The following AMBRA1 variants were observed in gnomAD, a reference collection of about 807,000 sequenced individuals.
AMBRA1 encodes activating molecule in BECN1-regulated autophagy protein 1.
Under a neutral mutation model 125.4 loss-of-function variants are expected in AMBRA1, and 47 were observed. The observed-to-expected ratio is 0.37, with a 90% CI of 0.30 to 0.48. The LOEUF is 0.48. Ranked by LOEUF, AMBRA1 falls within the 20% of genes least tolerant of loss-of-function variation. The probability of loss-of-function intolerance (pLI) is 0.99; values close to 1 mark genes in which losing one functional copy is unlikely to be tolerated. For missense variants in AMBRA1, 1,331 were observed against 1,693.4 expected (o/e 0.79, Z 3.76); for synonymous variants, 626 against 655.5 (o/e 0.95, Z 0.69).
chr11:46,435,520 T>C (rs1023530521), intron 12 of AMBRA1, among the ~76,000 whole-genome samples: 2 of 152,234 alleles, frequency 1.3e-5, no homozygotes. Flanking sequence ...ATTTCATAAA[T>C]TTGTATCTTA....
chr11:46,437,744 C>A lies in AMBRA1; in HGVS notation c.2633-2707G>T, dbSNP rs533002829. ...ATCTCAATTACTTGTTTATTTAGGC[C>A]ACAGGAAAGTAATGTACTAATGACA... On this transcript the variant is annotated intron_variant, in intron 12 of 17. Transcript: ENST00000683756. Among the ~76,000 whole-genome samples the A allele has an allele frequency of 2.2e-4, 34 of 152,092 alleles. No homozygotes were observed. The East Asian group carries it at 6.2e-3, about 28-fold the overall frequency.
At chr11:46,563,506 T>G (rs1321904493) in intron 1 of AMBRA1, among the ~76,000 whole-genome samples, 4 of 152,162 alleles carry the variant, frequency 2.6e-5, no homozygotes, top group Non-Finnish European at 1.5e-5. Flanking sequence ...ATTACAGGCA[T>G]GAGCCACACG....
intron 11 of AMBRA1, among the ~76,000 whole-genome samples, chr11:46,476,230 C>CAATTT (rs751097210): frequency 6.6e-5 from 10 of 152,178 alleles, no homozygotes; most frequent in Non-Finnish European, 1.0e-4. Context: ...ATCCCATGGC[C>CAATTT]AATTTCTCTG....
intron 7 of AMBRA1, among the ~76,000 whole-genome samples, chr11:46,528,378 C>T (rs543584935): frequency 6.6e-6 from 1 of 152,272 alleles, no homozygotes; most frequent in East Asian, 1.9e-4. Context: ...ACCATGTTGG[C>T]CAGGCTGGTC....
intron 1 of AMBRA1, among the ~76,000 whole-genome samples, chr11:46,563,052 C>T (rs2043391278): frequency 6.6e-6 from 1 of 151,288 alleles, no homozygotes; most frequent in Admixed American, 6.6e-5. Context: ...CCTGCCTTGC[C>T]ATCCCAATGT....
At chr11:46,426,508 A>G (rs1306345898) in intron 14 of AMBRA1, among the ~76,000 whole-genome samples, 2 of 152,206 alleles carry the variant, frequency 1.3e-5, no homozygotes, top group Non-Finnish European at 2.9e-5. Context: ...GAGGCCACAG[A>G]GGAAAGACAC....
At chr11:46,488,749 C>T (rs937300694) in intron 11 of AMBRA1, among the ~76,000 whole-genome samples, 1 of 152,110 alleles carries the variant, frequency 6.6e-6, no homozygotes, top group African/African-American at 2.4e-5. Context: ...TAAAATCACA[C>T]AAAGTATGTT....
At chr11:46,419,631 G>T (rs1946746822) in intron 14 of AMBRA1, among the ~76,000 whole-genome samples, 1 of 152,012 alleles carries the variant, frequency 6.6e-6, no homozygotes, top group African/African-American at 2.4e-5. Flanking sequence ...TGCTTCCCCA[G>T]TTTTTAATTT....
intron 13 of AMBRA1, among the ~76,000 whole-genome samples, chr11:46,434,481 T>C (rs2136712449): frequency 6.6e-6 from 1 of 151,870 alleles, no homozygotes; most frequent in East Asian, 1.9e-4. Context: ...AACACCCTTG[T>C]ATGTAAATCT....
At chr11:46,461,328 C>T (rs12577441) in intron 11 of AMBRA1, among the ~76,000 whole-genome samples, 1 of 152,232 alleles carries the variant, frequency 6.6e-6, no homozygotes, top group East Asian at 1.9e-4. Context: ...ATGTCAATAA[C>T]TATTAAATTT....
At chr11:46,482,204 A>G (rs1269886887) in intron 11 of AMBRA1, among the ~76,000 whole-genome samples, 2 of 152,150 alleles carry the variant, frequency 1.3e-5, no homozygotes, top group Non-Finnish European at 2.9e-5. Flanking sequence ...AGCTTGAGTT[A>G]CTAAATTCTG....
At chr11:46,578,834 T>C (rs12285637) in intron 1 of AMBRA1, among the ~76,000 whole-genome samples, 4,069 of 126,122 alleles carry the variant, frequency 0.032, 207 homozygotes, top group African/African-American at 0.12. Flanking sequence ...TGAGCCGAGA[T>C]TGCACCACTG....
chr11:46,442,981 C>T (rs1307948737), intron 12 of AMBRA1, among the ~76,000 whole-genome samples: 10 of 152,180 alleles, frequency 6.6e-5, no homozygotes, highest in Non-Finnish European at 1.2e-4. Context: ...CTTGGCCTCC[C>T]AAAGTGCTGG....
At chr11:46,507,196 A>AAG (rs1951072137) in intron 9 of AMBRA1, among the ~76,000 whole-genome samples, 1 of 137,842 alleles carries the variant, frequency 7.3e-6, no homozygotes, top group African/African-American at 2.7e-5. Context: ...AAAAAAAAAA[A>AAG]AGGCTTGGCA....
intron 11 of AMBRA1, among the ~76,000 whole-genome samples, chr11:46,464,125 T>C (rs573240657): frequency 1.3e-5 from 2 of 152,250 alleles, no homozygotes; most frequent in South Asian, 4.2e-4. Context: ...GGAAACAATA[T>C]ACAGAATTAG....
At chr11:46,425,889 G>A (rs7930857) in intron 14 of AMBRA1, among the ~76,000 whole-genome samples, 6,659 of 152,026 alleles carry the variant, frequency 0.044, 498 homozygotes, top group African/African-American at 0.15. Flanking sequence ...TCTCACGCCT[G>A]TAATCCCAGC....
At position 46,411,301 on chromosome 11, in the gene AMBRA1, G is replaced by C. The variant is rs149523795; in HGVS notation, c.3117-933C>G. On this transcript the variant is annotated intron_variant, in intron 15 of 17. Transcript: ENST00000683756. Reference sequence around the variant, plus strand: ...AAAGAGCAAACATCCCCAAGTGAGTGTATTATAGGATGCTGGGAGGTGCTT... The same window carrying C: ...AAAGAGCAAACATCCCCAAGTGAGTCTATTATAGGATGCTGGGAGGTGCTT... Among the ~76,000 whole-genome samples, 302 of 152,296 alleles carry C rather than the reference G, an allele frequency of 2.0e-3. 3 individuals carry two copies. The highest frequency in any genetic ancestry group is 7.2e-3 in the African/African-American group (300 of 41,556).
At chr11:46,455,038 C>T (rs77814874) in intron 11 of AMBRA1, among the ~76,000 whole-genome samples, 1,671 of 152,012 alleles carry the variant, frequency 0.011, 11 homozygotes, top group Non-Finnish European at 0.015. Context: ...CGCCACCCCA[C>T]ACCCAGCTAA....
At chr11:46,494,368 A>T (rs764519575) in intron 9 of AMBRA1, among the ~76,000 whole-genome samples, 164 bp from the exon 10 acceptor site, 1 of 152,330 alleles carries the variant, frequency 6.6e-6, no homozygotes, top group South Asian at 2.1e-4. Flanking sequence ...TTAATAAAAC[A>T]TATTTCTGGA....
Sources: allele counts gnomAD v4.1 joint callset (sites outside exome capture counted in the v4.1 genomes callset), GRCh38; gene constraint gnomAD v4.1.1; transcripts MANE v1.5; gene names NCBI Gene and HGNC (gene_info 2026-07-23, HGNC 2026-07-21).